ZSCAN21: variants seen among roughly 807,000 people sequenced by gnomAD.
ZSCAN21 encodes the protein zinc finger and SCAN domain containing 21, also known as zinc finger and SCAN domain-containing protein 21.
ZSCAN21 carries 26 observed loss-of-function variants against 35.6 expected under a neutral mutation model. The observed-to-expected ratio is 0.73, with a 90% CI of 0.54 to 1.01. ZSCAN21 has a LOEUF of 1.01. Ranked by LOEUF, ZSCAN21 falls within the 50% of genes least tolerant of loss-of-function variation. ZSCAN21 has a pLI of 0.00. For missense variants in ZSCAN21, 593 were observed against 587.1 expected, an observed-to-expected ratio of 1.01 and a Z score of -0.10; for synonymous variants, 219 against 219.3, an observed-to-expected ratio of 1.00 and a Z score of 0.01.
Position 100,050,940 on chromosome 7 carries a change from C to A in ZSCAN21, c.-97+1099C>A, listed in dbSNP as rs193169621. On this transcript the variant is annotated intron_variant, in intron 1 of 3. Coordinates refer to ENST00000292450, the MANE Select transcript of ZSCAN21 (RefSeq NM_145914.3). ...GGGCGCGGTGGCTCATGCCTGTAAT[C>A]CAGCACTTTGGGAGGCCGAGGCGAG... Among the ~76,000 whole-genome samples the A allele has an allele frequency of 2.4e-3, 365 of 151,362 alleles. 3 individuals are homozygous for A. The highest frequency in any genetic ancestry group is 8.5e-3 in the African/African-American group (351 of 41,282).
intron 3 of ZSCAN21, among the ~76,000 whole-genome samples, chr7:100,062,791 C>G (rs1011166844): frequency 6.6e-6 from 1 of 152,044 alleles, no homozygotes; most frequent in African/African-American, 2.4e-5. Context: ...AGGAGAATCA[C>G]TTGAACCCAG....
In ZSCAN21 at chr7:100,057,302, A is replaced by T. The variant is rs746058668; in HGVS notation, c.296A>T (p.Gln99Leu). 1 of 1,613,368 alleles carries T rather than the reference A, an allele frequency of 6.2e-7. No homozygotes were observed. Among genetic ancestry groups the T allele is most frequent in the South Asian group, 1.1e-5 (1 of 91,030 alleles). ...VLEQFLTILP[Q>L]ELQAWVQEHC... ...GAGCAGTTCCTGACCATCCTGCCCC[A>T]GGAGCTCCAGGCCTGGGTGCAGGAG... Residue 99 changes from glutamine to leucine, a missense_variant, in exon 2 of 4, where the codon CAG (glutamine) becomes CTG (leucine). By Grantham distance (113) the Gln-to-Leu change is moderately radical. Transcript: ENST00000292450.
chr7:100,051,981 AG>A (rs1288504965), intron 1 of ZSCAN21, among the ~76,000 whole-genome samples: 2 of 152,126 alleles, frequency 1.3e-5, no homozygotes, highest in African/African-American at 4.8e-5. Flanking sequence ...CCCAGGCTGG[AG>A]CACAGTGGTA....
At chr7:100,050,428 C>T (rs1035555700) in intron 1 of ZSCAN21, among the ~76,000 whole-genome samples, 1 of 152,186 alleles carries the variant, frequency 6.6e-6, no homozygotes, top group Non-Finnish European at 1.5e-5. Context: ...TGATTTGGGC[C>T]AGGCGCGGTG....
intron 1 of ZSCAN21, among the ~76,000 whole-genome samples, chr7:100,053,974 C>T (rs1791983022): frequency 6.6e-6 from 1 of 151,994 alleles, no homozygotes; most frequent in Admixed American, 6.6e-5. Flanking sequence ...TCCAGAAGTG[C>T]TGGGATTACG....
intron 3 of ZSCAN21, among the ~76,000 whole-genome samples, chr7:100,061,912 G>A (rs1371377058): frequency 6.6e-6 from 1 of 152,240 alleles, no homozygotes; most frequent in Non-Finnish European, 1.5e-5. Context: ...TGGATGGCCA[G>A]GTGGACTTTG....
rs777594753 is a variant in ZSCAN21, at chr7:100,057,300, C to T, written c.294C>T (p.Pro98=). 6.8e-6 allele frequency: 11 copies of T among 1,613,278 alleles called. No homozygotes were observed. Among genetic ancestry groups the T allele is most frequent in the Admixed American group, 5.0e-5 (3 of 59,952 alleles). Residue 98 remains proline, a synonymous_variant, in exon 2 of 4, where the codon CCC becomes CCT. Transcript: ENST00000292450. Reference sequence around the variant, plus strand: ...TGGAGCAGTTCCTGACCATCCTGCCCCAGGAGCTCCAGGCCTGGGTGCAGG... The same window carrying T: ...TGGAGCAGTTCCTGACCATCCTGCCTCAGGAGCTCCAGGCCTGGGTGCAGG... ...LVLEQFLTIL[P]QELQAWVQEH... is the part of the protein sequence containing the mutation.
At chr7:100,060,690 A>C (rs1220922661) in intron 3 of ZSCAN21, among the ~76,000 whole-genome samples, 1 of 150,728 alleles carries the variant, frequency 6.6e-6, no homozygotes. Flanking sequence ...AACATAGTGA[A>C]ACTCCATCTC....
rs141973828 is a variant in ZSCAN21 at position 100,064,513 on chromosome 7, G to A, written c.1318G>A (p.Gly440Arg). 5.1e-5 allele frequency: 82 copies of A among 1,614,076 alleles called. No individual in the cohort carries two copies. The East Asian group carries it at 1.5e-3, about 29-fold the overall frequency. The change falls in exon 4 of 4, where the codon GGG becomes AGG. Residue 440 changes from glycine to arginine, a missense_variant. By Grantham distance (125) the Gly-to-Arg change is moderately radical. Coordinates refer to ENST00000292450, the MANE Select transcript of ZSCAN21 (RefSeq NM_145914.3). ...NFNKHHRIHT[G>R]EKPYWCHHCG... ...CAATAAACACCACAGAATCCACACC[G>A]GGGAAAAGCCCTACTGGTGTCATCA...
chr7:100,056,809 T>G, intron 1 of ZSCAN21, 102 bp from the exon 2 acceptor site: 1 of 559,166 alleles, frequency 1.8e-6, no homozygotes, highest in Non-Finnish European at 3.1e-6. Flanking sequence ...GGTAGTTTTA[T>G]GGTGGACATA....
intron 1 of ZSCAN21, chr7:100,051,752 G>A (rs2116053256): frequency 6.6e-6 from 1 of 152,114 alleles, no homozygotes; most frequent in Non-Finnish European, 1.5e-5. Context: ...ATAAGCTGTG[G>A]GAGATTGGCA....
chr7:100,049,981 G>A (rs1303057985), intron 1 of ZSCAN21, 140 bp downstream of exon 1: 1 of 152,326 alleles, frequency 6.6e-6, no homozygotes, highest in Non-Finnish European at 1.5e-5. Flanking sequence ...CTGTGGGGAG[G>A]AGCTCCTCGT....
chr7:100,064,530 G>GT lies in ZSCAN21; in HGVS notation c.1336dup (p.Cys446LeufsTer10). The GT allele has an allele frequency of 6.2e-7, 1 of 1,614,152 alleles. No homozygotes were observed. The highest frequency in any genetic ancestry group is 1.1e-5 in the South Asian group (1 of 91,084). ...TCCACACCGGGGAAAAGCCCTACTG[G>GT]TGTCATCACTGTGGAAAGACCTTCT... On this transcript the variant is annotated frameshift_variant, in exon 4 of 4. Transcript: ENST00000292450. LOFTEE classifies it high-confidence loss of function.
intron 3 of ZSCAN21, among the ~76,000 whole-genome samples, chr7:100,062,731 T>A (rs1177202910): frequency 6.6e-6 from 1 of 151,122 alleles, no homozygotes; most frequent in Non-Finnish European, 1.5e-5. Context: ...AAAAATTAGC[T>A]GGGCGTGGTG....
chr7:100,062,703 C>T (rs552793207), intron 3 of ZSCAN21, among the ~76,000 whole-genome samples: 1 of 151,798 alleles, frequency 6.6e-6, no homozygotes, highest in Admixed American at 6.6e-5. Flanking sequence ...GGTGAAACCC[C>T]ATCTCTATTA....
At chr7:100,056,403 G>A (rs973937499) in intron 1 of ZSCAN21, among the ~76,000 whole-genome samples, 29 of 152,056 alleles carry the variant, frequency 1.9e-4, no homozygotes, top group African/African-American at 6.8e-4. Context: ...ATGCCACATT[G>A]CACTTTTTAG....
In ZSCAN21 at chr7:100,058,704, G is replaced by C. The variant is rs116590527; in HGVS notation, c.592+814G>C. Among the ~76,000 whole-genome samples the C allele has an allele frequency of 3.9e-3, 599 of 152,292 alleles. 5 individuals are homozygous for C. Among genetic ancestry groups the C allele is most frequent in the African/African-American group, 0.014 (582 of 41,554 alleles). On this transcript the variant is annotated intron_variant, in intron 3 of 3. Transcript: ENST00000292450. Reference sequence around the variant, plus strand: ...CAGGCCATAAATGGTCATCCCCTGTGGGGGTGTTTTTGTGTGTTTTTCTGA... The same window carrying C: ...CAGGCCATAAATGGTCATCCCCTGTCGGGGTGTTTTTGTGTGTTTTTCTGA...
At chr7:100,051,277 A>ATTTTTTT (rs1376849857) in intron 1 of ZSCAN21, among the ~76,000 whole-genome samples, 4 of 45,102 alleles carry the variant, frequency 8.9e-5, no homozygotes, top group Non-Finnish European at 1.3e-4. Flanking sequence ...GGATCTAGGG[A>ATTTTTTT]TTTTCTTTTT....
chr7:100,055,300 T>C lies in ZSCAN21; in HGVS notation c.-96-1611T>C, dbSNP rs146058232. Among the ~76,000 whole-genome samples, 967 of 152,184 alleles carry C rather than the reference T, an allele frequency of 6.4e-3. 23 individuals are homozygous for C. The highest frequency in any genetic ancestry group is 0.062 in the East Asian group (318 of 5,156). On this transcript the variant is annotated intron_variant, in intron 1 of 3. Transcript: ENST00000292450. ...TATTTTTTGAGACAGAGTTTTGCTC[T>C]GTCACCCAGGCTGGAGTGCAGTGGC...
Sources: gnomAD v4.1 joint callset for allele counts (sites outside exome capture counted in the v4.1 genomes callset) on GRCh38, gnomAD v4.1.1 for gene constraint, MANE v1.5 for transcripts, NCBI Gene and HGNC (gene_info 2026-07-23, HGNC 2026-07-21) for gene names.